The following NOS2 variants were observed in gnomAD, a reference collection of about 807,000 sequenced individuals.
NOS2 encodes the protein nitric oxide synthase, inducible.
A neutral mutation model predicts 136.0 loss-of-function variants in NOS2; 96 were observed. That is an observed-to-expected ratio of 0.71 (90% CI 0.60 to 0.84). NOS2 has a LOEUF of 0.84. NOS2 is among the 40% of genes least tolerant of loss of function. NOS2 has a pLI of 0.00. For synonymous variants in NOS2, 539 were observed against 587.5 expected, an observed-to-expected ratio of 0.92 and a Z score of 1.20; for missense variants, 1,237 against 1,496.9, an observed-to-expected ratio of 0.83 and a Z score of 2.87.
chr17:27,780,990 G>C, intron 8 of NOS2, 46 bp downstream of exon 8: 1 of 1,603,990 alleles, frequency 6.2e-7, no homozygotes, highest in Non-Finnish European at 8.5e-7. Context: ...CGCTCACCAC[G>C]GGGCTCCCCG....
chr17:27,782,170 C>T (rs768660313), intron 6 of NOS2, 64 bp from the exon 7 acceptor site: 9 of 1,434,466 alleles, frequency 6.3e-6, no homozygotes, highest in Non-Finnish European at 8.8e-6. Context: ...TGAGGCTGAT[C>T]AGAAGTCACT....
chr17:27,757,403 C>T, intron 26 of NOS2, 50 bp from the exon 27 acceptor site: 1 of 1,541,930 alleles, frequency 6.5e-7, no homozygotes, highest in Non-Finnish European at 8.9e-7. Flanking sequence ...CTGGGATGAG[C>T]CCCTGGGGTT....
intron 2 of NOS2, among the ~76,000 whole-genome samples, chr17:27,791,808 T>A (rs71372345): frequency 0.042 from 4,656 of 111,964 alleles, 126 homozygotes; most frequent in Non-Finnish European, 0.066. Flanking sequence ...AAAACAAAAA[T>A]ATATATATAT....
At chr17:27,796,456 AAAT>A (rs748855914) in intron 2 of NOS2, among the ~76,000 whole-genome samples, 7 of 152,128 alleles carry the variant, frequency 4.6e-5, no homozygotes, top group Non-Finnish European at 2.9e-5. Flanking sequence ...CCCTGTCTAA[AAAT>A]AATAATAATA....
chr17:27,784,270 G>C (rs1908947168), intron 5 of NOS2, among the ~76,000 whole-genome samples: 1 of 152,162 alleles, frequency 6.6e-6, no homozygotes, highest in Non-Finnish European at 1.5e-5. Context: ...AGGAGAGTGG[G>C]TAACTCTGAA....
rs1567631674 is a variant in NOS2, at chr17:27,758,982, C to T, written c.3253G>A (p.Val1085Met). 1.2e-6 allele frequency: 2 copies of T among 1,613,200 alleles called. No individual in the cohort carries two copies. The highest frequency in any genetic ancestry group is 1.1e-5 in the South Asian group (1 of 91,040). Residue 1085 changes from valine (V) to methionine (M), a missense_variant, in exon 26 of 27, where the codon GTG becomes ATG. Coordinates refer to ENST00000313735, the MANE Select transcript of NOS2 (RefSeq NM_000625.4). ...TGGGCCACGTCCCGGGCCATGCGCA[C>T]ATCCCCGCAAACATAGAGGTGGCCT... ...EPGHLYVCGDVRMARDVAHTL... is the reference protein window; with the variant it reads ...EPGHLYVCGDMRMARDVAHTL...
intron 16 of NOS2, 73 bp from the exon 17 acceptor site, chr17:27,769,224 G>C: frequency 7.1e-7 from 1 of 1,418,428 alleles, no homozygotes. Flanking sequence ...AGCACCAACA[G>C]CCTGGAGAGC....
Position 27,766,096 on chromosome 17 carries a change from C to T in NOS2, c.2247-380G>A, listed in dbSNP as rs113842959. On this transcript the variant is annotated intron_variant, in intron 19 of 26. Coordinates refer to ENST00000313735, the MANE Select transcript of NOS2 (RefSeq NM_000625.4). Reference sequence around the variant, plus strand: ...CCAAGGCCAGTTTTCCTAATGCATGCGGGGAGGACAGCACAGATCAATGAA... The same window carrying T: ...CCAAGGCCAGTTTTCCTAATGCATGTGGGGAGGACAGCACAGATCAATGAA... Among the ~76,000 whole-genome samples, 647 of 152,334 alleles carry T rather than the reference C, an allele frequency of 4.2e-3. 2 individuals are homozygous for T. The highest frequency in any genetic ancestry group is 0.012 in the South Asian group (56 of 4,826).
intron 15 of NOS2, 36 bp downstream of exon 15, chr17:27,770,877 C>T (rs1281852742): frequency 1.3e-6 from 2 of 1,531,820 alleles, no homozygotes. Context: ...CCGTGCCCTA[C>T]CACCCCCTAG....
In NOS2 at chr17:27,757,368, CAG is replaced by C; in HGVS notation, c.3355-17_3355-16del. 6.2e-7 allele frequency: 1 copy of C among 1,612,050 alleles called. No homozygotes were observed. Among genetic ancestry groups the C allele is most frequent in the South Asian group, 1.1e-5 (1 of 90,902 alleles). On this transcript the variant is annotated splice_polypyrimidine_tract_variant and intron_variant, in intron 26 of 26. Coordinates refer to ENST00000313735, the MANE Select transcript of NOS2 (RefSeq NM_000625.4). ...CGCTTCTGGCTCTTTTAGGTAAAAA[CAG>C]AGAGCAACGTGTCAAGTCCAGGCTG...
At chr17:27,790,205 C>T (rs999480540) in intron 2 of NOS2, among the ~76,000 whole-genome samples, 5 of 152,180 alleles carry the variant, frequency 3.3e-5, no homozygotes, top group African/African-American at 1.2e-4. Context: ...GTGAACCTCC[C>T]ACCTCAGCCT....
At chr17:27,775,402 AG>A (rs2151329557) in intron 11 of NOS2, among the ~76,000 whole-genome samples, 1 of 152,254 alleles carries the variant, frequency 6.6e-6, no homozygotes, top group Admixed American at 6.5e-5. Flanking sequence ...GTTTGAGACC[AG>A]CCTGACCAAC....
At chr17:27,759,144 G>T in intron 25 of NOS2, 69 bp from the exon 26 acceptor site, 1 of 1,215,750 alleles carries the variant, frequency 8.2e-7, no homozygotes, top group Non-Finnish European at 1.1e-6. Context: ...CAGGCCTGCT[G>T]GCCTCAAGGA....
chr17:27,782,986 A>T lies in NOS2; in HGVS notation c.588T>A (p.Asn196Lys). Residue 196 changes from asparagine (N) to lysine (K), a missense_variant, in exon 6 of 27, where the codon AAT (asparagine) becomes AAA (lysine). This residue lies in a region of NOS2 where 440 missense variants were observed against 545.4 expected (regional missense o/e 0.81). Transcript: ENST00000313735. ...LIFATKQAWR[N>K]APRCIGRIQW... Reference sequence around the variant, plus strand: ...GGATCCTCCCAATGCAGCGTGGGGCATTGCGCCAGGCCTGCTTGGTGGCGA... The same window carrying T: ...GGATCCTCCCAATGCAGCGTGGGGCTTTGCGCCAGGCCTGCTTGGTGGCGA... 1 of 1,614,140 alleles carries T rather than the reference A, an allele frequency of 6.2e-7. No homozygotes were observed. The highest frequency in any genetic ancestry group is 8.5e-7 in the Non-Finnish European group (1 of 1,180,012).
intron 22 of NOS2, among the ~76,000 whole-genome samples, chr17:27,762,064 A>G (rs1211823909): frequency 1.3e-5 from 2 of 152,164 alleles, no homozygotes; most frequent in African/African-American, 4.8e-5. Context: ...TACAGAGGGC[A>G]GGGCAGGGGG....
intron 10 of NOS2, 35 bp from the exon 11 acceptor site, chr17:27,778,826 C>T (rs200151201): frequency 7.0e-5 from 113 of 1,613,412 alleles, no homozygotes; most frequent in Non-Finnish European, 8.1e-5. Context: ...GAGTCGGTCC[C>T]TGAAGCCACC....
rs555588505 is a variant in NOS2 at position 27,799,165 on chromosome 17, C to A, written c.-73-283G>T. 2.0e-5 allele frequency among the ~76,000 whole-genome samples: 3 copies of A among 152,282 alleles called. No homozygotes were observed. In the East Asian group the frequency reaches 5.8e-4, roughly 29 times the overall value. Reference sequence around the variant, plus strand: ...CTGTATGCACCATGAGCCTCCTTAGCGGGACCTGCTGGCCCACCAGACCCA... The same window carrying A: ...CTGTATGCACCATGAGCCTCCTTAGAGGGACCTGCTGGCCCACCAGACCCA... On this transcript the variant is annotated intron_variant, in intron 1 of 26. Coordinates refer to ENST00000313735, the MANE Select transcript of NOS2 (RefSeq NM_000625.4).
At chr17:27,797,984 A>G (rs1312575079) in intron 2 of NOS2, among the ~76,000 whole-genome samples, 1 of 152,198 alleles carries the variant, frequency 6.6e-6, no homozygotes, top group Non-Finnish European at 1.5e-5. Flanking sequence ...CACAGAGATC[A>G]GTTGAGATGC....
intron 3 of NOS2, 141 bp from the exon 4 acceptor site, chr17:27,789,072 G>A (rs993618146): frequency 2.7e-5 from 31 of 1,153,330 alleles, no homozygotes; most frequent in South Asian, 1.8e-4. Context: ...TCCAGCCCCC[G>A]GGCGACCTGG....
Sources: allele counts gnomAD v4.1 joint callset (sites outside exome capture counted in the v4.1 genomes callset), GRCh38; gene constraint gnomAD v4.1.1; regional missense constraint gnomAD v4.1.1; transcripts MANE v1.5; gene names NCBI Gene and HGNC (gene_info 2026-07-23, HGNC 2026-07-21).